Variants in NREP observed in about 807,000 individuals in gnomAD.
NREP encodes the protein neuronal regeneration related protein, also known as neuronal regeneration-related protein.
Under a neutral mutation model 8.6 loss-of-function variants are expected in NREP, and 5 were observed. The ratio of observed to expected loss-of-function variants is 0.58; its 90% confidence interval spans 0.30 to 1.22. The LOEUF (loss-of-function observed/expected upper bound fraction) is 1.22. Among genes scored for constraint, NREP ranks in the 50% most tolerant of loss-of-function variants. The pLI, the probability that NREP is intolerant of heterozygous loss-of-function variation, is 0.07. For missense variants in NREP, 86 were observed against 82.5 expected (o/e 1.04, Z -0.17); for synonymous variants, 27 against 28.0 (o/e 0.96, Z 0.11).
At chr5:111,907,068 C>A (rs1042122391) in intron 2 of NREP, among the ~76,000 whole-genome samples, 13 of 152,092 alleles carry the variant, frequency 8.5e-5, no homozygotes, top group African/African-American at 3.1e-4. Context: ...TCACACCCAG[C>A]CTCTCTGTAT....
chr5:111,866,747 A>G (rs1326942666), intron 2 of NREP, among the ~76,000 whole-genome samples: 1 of 152,120 alleles, frequency 6.6e-6, no homozygotes, highest in Non-Finnish European at 1.5e-5. Context: ...AACCAACCCA[A>G]ATGTCCAACA....
chr5:111,866,712 A>T (rs900758337), intron 2 of NREP, among the ~76,000 whole-genome samples: 1 of 152,166 alleles, frequency 6.6e-6, no homozygotes, highest in Non-Finnish European at 1.5e-5. Flanking sequence ...TTATTGCGGC[A>T]CTATTCACAA....
rs200826204 is a variant in NREP at position 111,945,284 on chromosome 5, A to G, written c.135+29990T>C. 1.8e-4 allele frequency among the ~76,000 whole-genome samples: 28 copies of G among 152,070 alleles called. No individual in the cohort carries two copies. The East Asian group carries it at 5.3e-3, about 29-fold the overall frequency. On this transcript the variant is annotated intron_variant, in intron 2 of 3. Transcript: ENST00000395634. ...TATTTGCTATAGTTTCTTATAAAGA[A>G]CTTTTTTTTTATTATACTTTAAGTT...
upstream of NREP, among the ~76,000 whole-genome samples, chr5:111,759,278 C>T (rs1750902860): frequency 6.6e-6 from 1 of 152,154 alleles, no homozygotes; most frequent in Non-Finnish European, 1.5e-5. Context: ...AAAATCTATC[C>T]CAGTGATATT....
At chr5:111,960,865 G>T (rs1326588675) in intron 2 of NREP, among the ~76,000 whole-genome samples, 1 of 152,132 alleles carries the variant, frequency 6.6e-6, no homozygotes, top group Non-Finnish European at 1.5e-5. Context: ...AGCTGTAAAA[G>T]ATGAAAAACT....
intron 2 of NREP, among the ~76,000 whole-genome samples, chr5:111,950,714 C>A (rs866252194): frequency 5.2e-4 from 76 of 145,146 alleles, no homozygotes; most frequent in African/African-American, 1.5e-3. Context: ...AAAAAAAAAA[C>A]CAGACAAGCT....
chr5:111,782,746 C>CTT (rs144207125), intron 2 of NREP, among the ~76,000 whole-genome samples: 4 of 144,746 alleles, frequency 2.8e-5, no homozygotes, highest in African/African-American at 7.6e-5. Context: ...TTTTTTTTTT[C>CTT]TTTTTTTTTT....
chr5:111,731,016 G>T lies in NREP; in HGVS notation c.112C>A (p.Arg38Ser), dbSNP rs779017641. The stretch of plus-strand genomic sequence containing the variant: ...GCGTTTGTCTCATCGTTCTTCTTGC[G>T]GTTCACTTCCTTTGGGACAGGAAGT... Reference protein sequence around the residue: ...GRLPVPKEVNRKKNDETNAAS... With the variant: ...GRLPVPKEVNSKKNDETNAAS... The change falls in exon 4 of 4, where the codon CGC becomes AGC. Residue 38 changes from arginine to serine, a missense_variant. Arg to Ser is a moderately radical substitution (Grantham distance 110). Transcript: ENST00000257435. 2 of 1,613,860 alleles carry T rather than the reference G, an allele frequency of 1.2e-6. No homozygotes were observed. Among genetic ancestry groups the T allele is most frequent in the African/African-American group, 1.3e-5 (1 of 75,004 alleles).
At chr5:111,868,875 C>A (rs7708790) in intron 2 of NREP, among the ~76,000 whole-genome samples, 15,508 of 151,336 alleles carry the variant, frequency 0.1, 1,991 homozygotes, top group African/African-American at 0.29. Context: ...TCCATACTCA[C>A]AATGAAGGAG....
chr5:111,925,543 G>C (rs1287998835), intron 2 of NREP, among the ~76,000 whole-genome samples: 2 of 152,180 alleles, frequency 1.3e-5, no homozygotes, highest in South Asian at 2.1e-4. Context: ...CCAGAATACT[G>C]TCTGGTCCTA....
intron 2 of NREP, among the ~76,000 whole-genome samples, chr5:111,773,984 G>C (rs1431136413): frequency 6.6e-6 from 1 of 152,108 alleles, no homozygotes; most frequent in Non-Finnish European, 1.5e-5. Flanking sequence ...CACAAAGCAT[G>C]CTCGTCCCTA....
chr5:111,753,409 A>G (rs1188877393), intron 2 of NREP, among the ~76,000 whole-genome samples: 2 of 148,354 alleles, frequency 1.3e-5, no homozygotes, highest in East Asian at 1.9e-4. Context: ...TTATAGATAT[A>G]TAAATGATAC....
At chr5:111,741,345 A>G (rs1449863117) in intron 2 of NREP, among the ~76,000 whole-genome samples, 1 of 152,166 alleles carries the variant, frequency 6.6e-6, no homozygotes, top group African/African-American at 2.4e-5. Context: ...TAGTACTGTA[A>G]TTCAAGGAGA....
intron 2 of NREP, among the ~76,000 whole-genome samples, chr5:111,826,189 G>T (rs574360140): frequency 6.6e-6 from 1 of 152,218 alleles, no homozygotes; most frequent in East Asian, 1.9e-4. Context: ...TCTAGCTAAA[G>T]GTTCGTAAAC....
chr5:111,973,946 A>G (rs1045928128), intron 2 of NREP, among the ~76,000 whole-genome samples: 1 of 152,198 alleles, frequency 6.6e-6, no homozygotes, highest in African/African-American at 2.4e-5. Flanking sequence ...ATATTTCCCC[A>G]AAGTATGTAC....
At chr5:111,757,961 C>G (rs1750841216), upstream of NREP, 3 of 985,478 alleles carry the variant, frequency 3.0e-6, no homozygotes, top group South Asian at 1.4e-4. Flanking sequence ...CAGAGGGCAT[C>G]TGAGGAAAAG....
intron 2 of NREP, among the ~76,000 whole-genome samples, chr5:111,969,159 G>A (rs2112667331): frequency 6.6e-6 from 1 of 152,272 alleles, no homozygotes; most frequent in African/African-American, 2.4e-5. Context: ...TGTTTCTAAT[G>A]GTGGAACACA....
intron 2 of NREP, among the ~76,000 whole-genome samples, chr5:111,925,929 G>T (rs1003192518): frequency 1.3e-5 from 2 of 151,942 alleles, no homozygotes; most frequent in Non-Finnish European, 2.9e-5. Context: ...CTTCTTTTTT[G>T]GTCTGCTATA....
chr5:111,732,727 G>T (rs539034542), intron 3 of NREP: 2 of 148,512 alleles, frequency 1.3e-5, no homozygotes, highest in South Asian at 4.3e-4. Flanking sequence ...CTGCCAGCCC[G>T]ACCCCACCTC....
Sources: allele counts gnomAD v4.1 joint callset (sites outside exome capture counted in the v4.1 genomes callset), GRCh38; gene constraint gnomAD v4.1.1; transcripts MANE v1.5; gene names NCBI Gene and HGNC (gene_info 2026-07-23, HGNC 2026-07-21).